VARS1: variants seen among roughly 807,000 people sequenced by gnomAD.
VARS1 encodes the protein valine--tRNA ligase.
A neutral mutation model predicts 161.0 loss-of-function variants in VARS1; 92 were observed. The observed-to-expected ratio is 0.57, with a 90% CI of 0.48 to 0.68. The LOEUF (loss-of-function observed/expected upper bound fraction) is 0.68, where lower values mean the gene tolerates loss of function less well. VARS1 is among the 30% of genes least tolerant of loss of function. The pLI is 0.00. For missense variants in VARS1, 1,338 were observed against 1,695.9 expected (o/e 0.79, Z 3.71); for synonymous variants, 595 against 682.5 (o/e 0.87, Z 2.00).
In VARS1 at chr6:31,779,045, C is replaced by T. The variant is rs1208248394; in HGVS notation, c.3648G>A (p.Gln1216=). 9 of 1,612,412 alleles carry T rather than the reference C, an allele frequency of 5.6e-6. No individual in the cohort carries two copies. In the East Asian group the frequency reaches 2.0e-4, roughly 36 times the overall value. ...AGGCAGCACGGCGTTCCCGCAGACG[C>T]TGGGCCTGCCGCTGGGCCTCAACTC... The part of the protein sequence containing the change: ...AKRVEAQRQA[Q]RLRERRAASG... The change falls in exon 29 of 30, where the codon CAG becomes CAA. Residue 1216 remains glutamine (Q), a synonymous_variant. Coordinates refer to ENST00000375663, the MANE Select transcript of VARS1 (RefSeq NM_006295.3). The surrounding 1 kb of genome is among the most constrained non-coding windows in gnomAD (Gnocchi z 9.1).
rs1049660541 is a variant in VARS1 at position 31,791,049 on chromosome 6, G to A, written c.1100+561C>T. Among the ~76,000 whole-genome samples, 1 of 152,126 alleles carries A rather than the reference G, an allele frequency of 6.6e-6. No individual in the cohort carries two copies. The highest frequency in any genetic ancestry group is 2.4e-5 in the African/African-American group (1 of 41,424). ...TCCTGTAATCCCAGCTACTTGGGAG[G>A]CTGAGGCAGGAGAATCACTTGAACC... On this transcript the variant is annotated intron_variant, in intron 8 of 29. Transcript: ENST00000375663. The surrounding 1 kb of genome is among the most constrained non-coding windows in gnomAD (Gnocchi z 5.0).
rs763938724 is a variant in VARS1, at chr6:31,781,452, C to T, written c.2544+29G>A. The stretch of plus-strand genomic sequence containing the variant: ...GGACGGTAGGAGAGGAGGCTGGGGG[C>T]GATGGGAGGGTCTCGGCTGTCTCCG... On this transcript the variant is annotated intron_variant, in intron 21 of 29. Coordinates refer to ENST00000375663, the MANE Select transcript of VARS1 (RefSeq NM_006295.3). This position sits in a 1 kb window ranked among gnomAD's most constrained non-coding sequence, Gnocchi z 6.8. The T allele has an allele frequency of 1.2e-5, 20 of 1,607,068 alleles. No individual in the cohort carries two copies. The highest frequency in any genetic ancestry group is 2.7e-5 in the African/African-American group (2 of 74,808).
rs1813389626 is a variant in VARS1, at chr6:31,784,728, G to A, written c.1348-14C>T. 6.2e-7 allele frequency: 1 copy of A among 1,612,928 alleles called. No homozygotes were observed. Among genetic ancestry groups the A allele is most frequent in the African/African-American group, 1.3e-5 (1 of 75,054 alleles). ...TGCTGAGAGTTTCTGGGGTGGAGGAGGGAGAAGTCAGAGAGATGGGCCTTG... is the reference window on the plus strand; with the variant it reads ...TGCTGAGAGTTTCTGGGGTGGAGGAAGGAGAAGTCAGAGAGATGGGCCTTG... On this transcript the variant is annotated splice_polypyrimidine_tract_variant and intron_variant, in intron 10 of 29. Coordinates refer to ENST00000375663, the MANE Select transcript of VARS1 (RefSeq NM_006295.3). This position sits in a 1 kb window ranked among gnomAD's most constrained non-coding sequence, Gnocchi z 6.1.
intron 8 of VARS1, among the ~76,000 whole-genome samples, chr6:31,787,962 C>CA (rs1399470922): frequency 6.7e-6 from 1 of 150,002 alleles, no homozygotes; most frequent in Admixed American, 6.6e-5. Flanking sequence ...ACTAAAAATA[C>CA]AAAAAAAATT....
Position 31,785,509 on chromosome 6 carries a change from C to T in VARS1, c.1265+60G>A, listed in dbSNP as rs1813437893. The T allele has an allele frequency of 6.5e-7, 1 of 1,535,944 alleles. No individual in the cohort carries two copies. Among genetic ancestry groups the T allele is most frequent in the African/African-American group, 1.4e-5 (1 of 73,548 alleles). On this transcript the variant is annotated intron_variant, in intron 9 of 29. Transcript: ENST00000375663. The surrounding 1 kb of genome is among the most constrained non-coding windows in gnomAD (Gnocchi z 6.1). ...CCAAGGGGTTACAGGTGACAGAGGT[C>T]TTCTGGATAGGGGACAGGGAGGCAG...
At chr6:31,783,797 G>C (rs1192470819) in intron 13 of VARS1, among the ~76,000 whole-genome samples, 2 of 150,488 alleles carry the variant, frequency 1.3e-5, no homozygotes, top group African/African-American at 4.9e-5. Context: ...GAGTAGCTGA[G>C]ATTACAGGCA....
chr6:31,779,540 T>C lies in VARS1; in HGVS notation c.3289-4A>G. The C allele has an allele frequency of 6.2e-7, 1 of 1,602,190 alleles. No homozygotes were observed. Among genetic ancestry groups the C allele is most frequent in the Non-Finnish European group, 8.5e-7 (1 of 1,176,172 alleles). ...CCTCGGGGTCCTTCCAGGAGCACTG[T>C]GGGGTGGAGGAGGGGGTGAGGGGGC... On this transcript the variant is annotated splice_polypyrimidine_tract_variant and splice_region_variant and intron_variant, in intron 27 of 29. Transcript: ENST00000375663. This position sits in a 1 kb window ranked among gnomAD's most constrained non-coding sequence, Gnocchi z 9.1.
rs190324820 is a variant in VARS1 at position 31,793,363 on chromosome 6, A to G, written c.388-243T>C. Among the ~76,000 whole-genome samples, 689 of 152,162 alleles carry G rather than the reference A, an allele frequency of 4.5e-3. 5 individuals are homozygous for G. Among genetic ancestry groups the G allele is most frequent in the African/African-American group, 0.016 (654 of 41,520 alleles). On this transcript the variant is annotated intron_variant, in intron 2 of 29. Transcript: ENST00000375663. ...CTAAAAATACAAAAAAAAAATAGCC[A>G]GGCGTGGTGGCGGGCGCCTGTAGTC...
intron 8 of VARS1, among the ~76,000 whole-genome samples, chr6:31,787,936 G>C (rs1813610349): frequency 1.3e-5 from 2 of 152,030 alleles, no homozygotes; most frequent in Admixed American, 6.6e-5. Context: ...GGCTAACACG[G>C]TGAAACCCCG....
intron 8 of VARS1, among the ~76,000 whole-genome samples, chr6:31,788,612 C>G (rs1226110735): frequency 6.6e-6 from 1 of 150,914 alleles, no homozygotes; most frequent in African/African-American, 2.4e-5. Context: ...CGAGACCATC[C>G]TGGCCGACAG....
At chr6:31,794,427 T>A (rs1478462243) in intron 2 of VARS1, among the ~76,000 whole-genome samples, 2 of 152,176 alleles carry the variant, frequency 1.3e-5, no homozygotes, top group Admixed American at 1.3e-4. Context: ...CTCATTTCAT[T>A]TCTCTTTTAT....
chr6:31,782,655 T>A lies in VARS1; in HGVS notation c.1888-22A>T, dbSNP rs1158704420. 6.2e-7 allele frequency: 1 copy of A among 1,613,046 alleles called. No individual in the cohort carries two copies. Among genetic ancestry groups the A allele is most frequent in the Non-Finnish European group, 8.5e-7 (1 of 1,180,012 alleles). On this transcript the variant is annotated intron_variant, in intron 15 of 29. Transcript: ENST00000375663. The surrounding 1 kb of genome is among the most constrained non-coding windows in gnomAD (Gnocchi z 8.3). ...GGCCCTGGGTAGGAATGAGGCCTCA[T>A]CATGGCGATGCCCAGCCATCCCTCC...
Position 31,780,967 on chromosome 6 carries a change from G to T in VARS1, c.2650-29C>A, listed in dbSNP as rs1181585366. The T allele has an allele frequency of 6.2e-7, 1 of 1,614,032 alleles. No individual in the cohort carries two copies. The highest frequency in any genetic ancestry group is 1.7e-5 in the Admixed American group (1 of 60,018). ...AGGGTGGAGTGGGAGCAGTCAGGTG[G>T]CTGTGACCACAGCCCCACGGCCCTT... On this transcript the variant is annotated intron_variant, in intron 22 of 29. Transcript: ENST00000375663. The surrounding 1 kb of genome is among the most constrained non-coding windows in gnomAD (Gnocchi z 5.1).
chr6:31,780,182 G>A lies in VARS1; in HGVS notation c.2926-29C>T, dbSNP rs764694381. ...GGGGAGAGAGGGTGTATCAGCCGGC[G>A]GGCCAGGGGAGGGTGCCAGAACCCC... On this transcript the variant is annotated intron_variant, in intron 25 of 29. Transcript: ENST00000375663. This position sits in a 1 kb window ranked among gnomAD's most constrained non-coding sequence, Gnocchi z 5.1. 5.0e-6 allele frequency: 8 copies of A among 1,610,290 alleles called. No homozygotes were observed. The East Asian group carries it at 1.6e-4, about 31-fold the overall frequency.
chr6:31,777,701 A>G lies in VARS1; in HGVS notation c.3727-39T>C. 2 of 1,599,216 alleles carry G rather than the reference A, an allele frequency of 1.3e-6. No homozygotes were observed. The highest frequency in any genetic ancestry group is 1.1e-5 in the South Asian group (1 of 89,136). ...AGGGGGTGGGTGAGGACCCAGGTCCAAGTGAAGAGACCCCCAAACACCCAG... is the reference window on the plus strand; with the variant it reads ...AGGGGGTGGGTGAGGACCCAGGTCCGAGTGAAGAGACCCCCAAACACCCAG... On this transcript the variant is annotated intron_variant, in intron 29 of 29. Coordinates refer to ENST00000375663, the MANE Select transcript of VARS1 (RefSeq NM_006295.3). The surrounding 1 kb of genome is among the most constrained non-coding windows in gnomAD (Gnocchi z 5.8).
Position 31,781,349 on chromosome 6 carries a change from C to T in VARS1, c.2544+132G>A. The T allele has an allele frequency of 7.1e-7, 1 of 1,414,128 alleles. No individual in the cohort carries two copies. The highest frequency in any genetic ancestry group is 9.5e-7 in the Non-Finnish European group (1 of 1,056,362). 87.6% of individuals were successfully genotyped at this position (1,414,128 alleles called of 1,614,324 possible). On this transcript the variant is annotated intron_variant, in intron 21 of 29. Coordinates refer to ENST00000375663, the MANE Select transcript of VARS1 (RefSeq NM_006295.3). This position sits in a 1 kb window ranked among gnomAD's most constrained non-coding sequence, Gnocchi z 6.8. ...GAGCAGGGCCCAGGCTGGATTTCAA[C>T]CCCACACCAGCCCCCGGGTCAGGCC...
chr6:31,791,716 T>C lies in VARS1; in HGVS notation c.994A>G (p.Asn332Asp), dbSNP rs1163433022. 1 of 1,613,008 alleles carries C rather than the reference T, an allele frequency of 6.2e-7. No individual in the cohort carries two copies. The highest frequency in any genetic ancestry group is 8.5e-7 in the Non-Finnish European group (1 of 1,180,002). Residue 332 changes from asparagine (N) to aspartate (D), a missense_variant, in exon 8 of 30, where the codon AAT becomes GAT. Asn to Asp is a conservative substitution (Grantham distance 23). Transcript: ENST00000375663. This position sits in a 1 kb window ranked among gnomAD's most constrained non-coding sequence, Gnocchi z 5.0. The stretch of plus-strand genomic sequence containing the variant: ...CACATCATGAAGACACCTCGGGGAT[T>C]TGCTGCTGACACATTAGGACGCTGA... ...EYGRPNVSAA[N>D]PRGVFMMCIP...
rs997161701 is a variant in VARS1 at position 31,779,275 on chromosome 6, C to T, written c.3418G>A (p.Asp1140Asn). 3.7e-6 allele frequency: 6 copies of T among 1,603,024 alleles called. No homozygotes were observed. Among genetic ancestry groups the T allele is most frequent in the Non-Finnish European group, 5.1e-6 (6 of 1,179,620 alleles). The change falls in exon 29 of 30, where the codon GAT becomes AAT. Residue 1140 changes from aspartate to asparagine, a missense_variant. This residue lies in a region of VARS1 where 433 missense variants were observed against 586.2 expected (regional missense o/e 0.74). Transcript: ENST00000375663. The surrounding 1 kb of genome is among the most constrained non-coding windows in gnomAD (Gnocchi z 9.1). ...IRPDCFLEVADEATGALASAV... is the reference protein window; with the variant it reads ...IRPDCFLEVANEATGALASAV... ...GATGCCAGGGCGCCCGTGGCCTCAT[C>T]CGCCACTTCCAGGAAACCTGCCAGG...
chr6:31,788,448 G>A (rs1163526746), intron 8 of VARS1, among the ~76,000 whole-genome samples: 2 of 148,506 alleles, frequency 1.3e-5, no homozygotes, highest in Non-Finnish European at 3.0e-5. Context: ...TGCAGTAAGC[G>A]CGCATCACTG....
Sources: gnomAD v4.1 joint callset for allele counts (sites outside exome capture counted in the v4.1 genomes callset) on GRCh38, gnomAD v4.1.1 for gene constraint, gnomAD v4.1.1 regional missense constraint, Gnocchi (gnomAD v3.1) non-coding constraint, MANE v1.5 for transcripts, NCBI Gene and HGNC (gene_info 2026-07-23, HGNC 2026-07-21) for gene names.